The following SPRED2 variants were observed in gnomAD, a reference collection of about 807,000 sequenced individuals.
The protein encoded by SPRED2 is sprouty-related, EVH1 domain-containing protein 2.
A neutral mutation model predicts 43.0 loss-of-function variants in SPRED2; 47 were observed. That is an observed-to-expected ratio of 1.09 (90% CI 0.87 to 1.40). The LOEUF is 1.40. Among genes scored for constraint, SPRED2 ranks in the 40% most tolerant of loss-of-function variants. SPRED2 has a pLI of 0.00. For missense variants in SPRED2, 561 were observed against 586.4 expected (o/e 0.96, Z 0.45); for synonymous variants, 225 against 225.7 (o/e 1.00, Z 0.03).
rs572810057 is a variant in SPRED2 at position 65,334,591 on chromosome 2, G to A, written c.373+14C>T. ...TCCATAGTCCCACTAAGAATGCAGC[G>A]ACAAGTTCAATACCTTCTATAAGGT... is the stretch of plus-strand genomic sequence containing the variant. On this transcript the variant is annotated intron_variant, in intron 3 of 5. Transcript: ENST00000356388. 4.0e-5 allele frequency: 65 copies of A among 1,611,802 alleles called. No individual in the cohort carries two copies. The South Asian group carries it at 5.8e-4, about 14-fold the overall frequency.
At chr2:65,348,035 G>A (rs1367797292) in intron 1 of SPRED2, among the ~76,000 whole-genome samples, 6 of 151,972 alleles carry the variant, frequency 3.9e-5, no homozygotes, top group South Asian at 2.1e-4. Context: ...CAGTGGTATC[G>A]CCAAGCAGAA....
chr2:65,327,443 T>C (rs533071201), intron 4 of SPRED2, among the ~76,000 whole-genome samples: 73 of 152,332 alleles, frequency 4.8e-4, no homozygotes, highest in Non-Finnish European at 5.6e-4. Context: ...AAAGCTTTTA[T>C]TTAGATCCTT....
At position 65,345,434 on chromosome 2, in the gene SPRED2, G is replaced by T. The variant is rs188628481; in HGVS notation, c.27-538C>A. Among the ~76,000 whole-genome samples, 48 of 151,916 alleles carry T rather than the reference G, an allele frequency of 3.2e-4. 1 individual carries two copies. In the East Asian group the frequency reaches 9.3e-3, roughly 29 times the overall value. The stretch of plus-strand genomic sequence containing the variant: ...TGCCACCATGCCTGGCTAGTTTTTT[G>T]TATTTTTAGTAGAGATGGGGTTTCA... On this transcript the variant is annotated intron_variant, in intron 1 of 5. Coordinates refer to ENST00000356388, the MANE Select transcript of SPRED2 (RefSeq NM_181784.3).
intron 1 of SPRED2, among the ~76,000 whole-genome samples, chr2:65,431,354 G>T (rs1443855201): frequency 6.6e-6 from 1 of 151,400 alleles, no homozygotes; most frequent in East Asian, 1.9e-4. Context: ...CACGCGCCGC[G>T]GGGCCCCTCG....
At chr2:65,340,561 C>G (rs989848497) in intron 2 of SPRED2, among the ~76,000 whole-genome samples, 4 of 152,144 alleles carry the variant, frequency 2.6e-5, no homozygotes, top group African/African-American at 9.7e-5. Context: ...CTCCTCTAAT[C>G]CATCTAAAAA....
intron 1 of SPRED2, among the ~76,000 whole-genome samples, chr2:65,360,100 C>CAA (rs57801875): frequency 9.7e-6 from 1 of 103,224 alleles, no homozygotes; most frequent in Non-Finnish European, 1.9e-5. Context: ...AAAAAAAAAA[C>CAA]AAAAAAAAAA....
chr2:65,357,258 C>T (rs1674679744), intron 1 of SPRED2, among the ~76,000 whole-genome samples: 1 of 152,194 alleles, frequency 6.6e-6, no homozygotes, highest in Non-Finnish European at 1.5e-5. Context: ...AAACAAACAA[C>T]ACACAGTCAA....
intron 2 of SPRED2, chr2:65,344,514 G>T: frequency 1.4e-6 from 1 of 715,178 alleles, no homozygotes; most frequent in Non-Finnish European, 2.6e-6. Flanking sequence ...CGGATAAAGC[G>T]TGTGGTCAAA....
intron 2 of SPRED2, among the ~76,000 whole-genome samples, chr2:65,343,431 A>T (rs1453416627): frequency 6.6e-6 from 1 of 152,166 alleles, no homozygotes; most frequent in Non-Finnish European, 1.5e-5. Context: ...TATTTTCTAA[A>T]TTTTTTTAAA....
intron 1 of SPRED2, among the ~76,000 whole-genome samples, chr2:65,415,066 T>C (rs6546150): frequency 0.69 from 104,352 of 152,120 alleles, 36,467 homozygotes; most frequent in African/African-American, 0.8. Context: ...GGATTACAGG[T>C]GTGAGCCATC....
In SPRED2 at chr2:65,313,986, C is replaced by T. The variant is rs1306289969; in HGVS notation, c.772G>A (p.Glu258Lys). Residue 258 changes from glutamate (E) to lysine (K), a missense_variant, in exon 6 of 6, where the codon GAG becomes AAG. This residue lies in a region of SPRED2 where 164 missense variants were observed against 164.1 expected (regional missense o/e 1.00). Transcript: ENST00000356388. ...DSSYVRFAKG[E>K]VPKHDYNYPY... is the part of the protein sequence containing the mutation. ...TAGTTGTAGTCATGCTTGGGGACCT[C>T]GCCCTTGGCGAAGCGCACGTAGGAG... is the stretch of plus-strand genomic sequence containing the variant. 2 of 1,613,474 alleles carry T rather than the reference C, an allele frequency of 1.2e-6. No individual in the cohort carries two copies. The highest frequency in any genetic ancestry group is 1.7e-6 in the Non-Finnish European group (2 of 1,180,012).
At chr2:65,344,136 C>CAAAAAAAAA (rs147613284) in intron 2 of SPRED2, 1 of 73,262 alleles carries the variant, frequency 1.4e-5, no homozygotes, top group African/African-American at 4.7e-5. Flanking sequence ...GACTCCGTCT[C>CAAAAAAAAA]AAAAAAAAAA....
chr2:65,320,238 C>T (rs1673371540), intron 4 of SPRED2, among the ~76,000 whole-genome samples: 2 of 152,198 alleles, frequency 1.3e-5, no homozygotes, highest in African/African-American at 4.8e-5. Flanking sequence ...GTAATAAGCT[C>T]TCAGTACTTA....
At chr2:65,409,459 ATT>A (rs1676100500) in intron 1 of SPRED2, among the ~76,000 whole-genome samples, 1 of 152,330 alleles carries the variant, frequency 6.6e-6, no homozygotes, top group East Asian at 1.9e-4. Flanking sequence ...CTATCAGAAC[ATT>A]TAAAATTACA....
intron 1 of SPRED2, among the ~76,000 whole-genome samples, chr2:65,373,107 A>G (rs993635806): frequency 2.0e-5 from 3 of 152,224 alleles, no homozygotes; most frequent in Non-Finnish European, 4.4e-5. Flanking sequence ...TAAACAGCCC[A>G]TAATTAATGG....
intron 2 of SPRED2, among the ~76,000 whole-genome samples, chr2:65,343,505 G>A (rs1674249338): frequency 6.6e-6 from 1 of 152,136 alleles, no homozygotes; most frequent in Non-Finnish European, 1.5e-5. Flanking sequence ...CCCAACAGAT[G>A]CTGCTGTAAA....
At chr2:65,345,744 A>G (rs1421532558) in intron 1 of SPRED2, among the ~76,000 whole-genome samples, 1 of 152,238 alleles carries the variant, frequency 6.6e-6, no homozygotes, top group East Asian at 1.9e-4. Context: ...CAATTCCAAT[A>G]ACCCTTTACA....
chr2:65,345,212 T>C (rs2104268621), intron 1 of SPRED2, among the ~76,000 whole-genome samples: 1 of 151,968 alleles, frequency 6.6e-6, no homozygotes, highest in Non-Finnish European at 1.5e-5. Flanking sequence ...TGTAATTCAG[T>C]ATCTTTAGGT....
chr2:65,407,397 G>A (rs1676051211), intron 1 of SPRED2, among the ~76,000 whole-genome samples: 1 of 150,920 alleles, frequency 6.6e-6, no homozygotes, highest in African/African-American at 2.4e-5. Flanking sequence ...GTATTGGGGG[G>A]CATTTTGGGG....
Sources: gnomAD v4.1 joint callset for allele counts (sites outside exome capture counted in the v4.1 genomes callset) on GRCh38, gnomAD v4.1.1 for gene constraint, gnomAD v4.1.1 regional missense constraint, MANE v1.5 for transcripts, NCBI Gene and HGNC (gene_info 2026-07-23, HGNC 2026-07-21) for gene names.